The following MYOF variants were observed in gnomAD, a reference collection of about 807,000 sequenced individuals.
MYOF encodes myoferlin.
Under a neutral mutation model 284.2 loss-of-function variants are expected in MYOF, and 244 were observed. The ratio of observed to expected loss-of-function variants is 0.86; its 90% CI spans 0.77 to 0.95. The LOEUF (loss-of-function observed/expected upper bound fraction) is 0.95. Ranked by LOEUF, MYOF falls within the 40% of genes least tolerant of loss-of-function variation. The probability of loss-of-function intolerance (pLI) is 0.00; values close to 1 mark genes in which losing one functional copy is unlikely to be tolerated. For synonymous variants in MYOF, 904 were observed against 919.7 expected, an observed-to-expected ratio of 0.98 and a Z score of 0.31; for missense variants, 2,496 against 2,560.6, an observed-to-expected ratio of 0.97 and a Z score of 0.54.
At chr10:93,415,500 G>A (rs1848079807) in intron 5 of MYOF, among the ~76,000 whole-genome samples, 1 of 152,180 alleles carries the variant, frequency 6.6e-6, no homozygotes, top group Non-Finnish European at 1.5e-5. Flanking sequence ...TTACCTTTCT[G>A]AACGGCCACC....
chr10:93,402,834 AT>A (rs774938836), intron 10 of MYOF, 25 bp downstream of exon 10: 36 of 1,595,980 alleles, frequency 2.3e-5, no homozygotes, highest in Non-Finnish European at 3.0e-5. Flanking sequence ...TTAAGACTTC[AT>A]ATTGATGGGG....
In MYOF at chr10:93,349,839, T is replaced by C; in HGVS notation, c.4052A>G (p.Asn1351Ser). The C allele has an allele frequency of 6.2e-7, 1 of 1,614,018 alleles. No individual in the cohort carries two copies. Among genetic ancestry groups the C allele is most frequent in the Non-Finnish European group, 8.5e-7 (1 of 1,179,996 alleles). The change falls in exon 36 of 54, where the codon AAC becomes AGC. Residue 1351 changes from asparagine to serine, a missense_variant. Asn to Ser is a conservative substitution (Grantham distance 46). Transcript: ENST00000359263. ...VVIKNLKKTP[N>S]FPSSVLFMKV... ...CATGAAGAGAACAGAACTTGGAAAG[T>C]TGGGTGTCTTCTTAAGGTTTTTGAT...
chr10:93,394,539 C>A (rs1459688701), intron 16 of MYOF, among the ~76,000 whole-genome samples: 1 of 133,402 alleles, frequency 7.5e-6, no homozygotes, highest in South Asian at 2.6e-4. Context: ...CGGCTCACTG[C>A]AAGCTCCGCC....
intron 43 of MYOF, among the ~76,000 whole-genome samples, chr10:93,331,852 C>T (rs983578389): frequency 6.6e-6 from 1 of 152,126 alleles, no homozygotes; most frequent in African/African-American, 2.4e-5. Flanking sequence ...AAATATATGC[C>T]ACGCAGCAAA....
intron 50 of MYOF, 82 bp downstream of exon 50, chr10:93,316,632 A>C: frequency 7.8e-7 from 1 of 1,282,854 alleles, no homozygotes. Context: ...TGAAGATTTA[A>C]AGAATTGCTT....
chr10:93,348,006 G>A (rs1258964133), intron 36 of MYOF, among the ~76,000 whole-genome samples: 2 of 152,150 alleles, frequency 1.3e-5, no homozygotes, highest in East Asian at 1.9e-4. Flanking sequence ...GAACTACCTG[G>A]CTAACCCTTC....
chr10:93,426,175 C>T lies in MYOF; in HGVS notation c.346-17G>A, dbSNP rs1564708778. Reference sequence around the variant, plus strand: ...AATGGTGGCCTGGGTAGAAATAATTCGTTGCAAATATTATCAGTGCAGGGC... The same window carrying T: ...AATGGTGGCCTGGGTAGAAATAATTTGTTGCAAATATTATCAGTGCAGGGC... On this transcript the variant is annotated splice_polypyrimidine_tract_variant and intron_variant, in intron 4 of 53. Coordinates refer to ENST00000359263, the MANE Select transcript of MYOF (RefSeq NM_013451.4). 5.2e-6 allele frequency: 8 copies of T among 1,552,048 alleles called. No homozygotes were observed. The highest frequency in any genetic ancestry group is 2.4e-5 in the East Asian group (1 of 41,090).
intron 19 of MYOF, among the ~76,000 whole-genome samples, chr10:93,386,675 A>G (rs1846380899): frequency 6.6e-6 from 1 of 151,984 alleles, no homozygotes. Flanking sequence ...GGAATCCAGA[A>G]CAGACTGCTT....
At chr10:93,381,185 A>C in intron 20 of MYOF, 34 bp downstream of exon 20, 1 of 1,610,636 alleles carries the variant, frequency 6.2e-7, no homozygotes, top group Non-Finnish European at 8.5e-7. Context: ...ACCCATTGTA[A>C]ACGTGTGGAG....
intron 21 of MYOF, among the ~76,000 whole-genome samples, chr10:93,378,669 A>ATGTG (rs1276348555): frequency 1.9e-4 from 20 of 107,074 alleles, no homozygotes; most frequent in African/African-American, 8.7e-4. Flanking sequence ...ATATGTGTAT[A>ATGTG]TGTGTGTGTG....
intron 48 of MYOF, among the ~76,000 whole-genome samples, chr10:93,321,412 C>CTTTTTTTTTTTTTTTTTT (rs35765868): frequency 8.3e-6 from 1 of 121,188 alleles, no homozygotes; most frequent in African/African-American, 2.9e-5. Flanking sequence ...GACTATTAAC[C>CTTTTTTTTTTTTTTTTTT]TTTTTTTTTT....
Position 93,398,190 on chromosome 10 carries a change from G to A in MYOF, c.1222-734C>T, listed in dbSNP as rs113596306. The stretch of plus-strand genomic sequence containing the variant: ...TGGCTCTACCGCAGCCACATGGGCA[G>A]GCCTTCCCTGCTAACATTTTCTTCC... On this transcript the variant is annotated intron_variant, in intron 13 of 53. Transcript: ENST00000359263. Among the ~76,000 whole-genome samples, 63 of 152,192 alleles carry A rather than the reference G, an allele frequency of 4.1e-4. 4 individuals carry two copies. Among genetic ancestry groups the A allele is most frequent in the African/African-American group, 1.5e-3 (62 of 41,538 alleles).
chr10:93,458,756 G>C (rs2134335640), intron 1 of MYOF, among the ~76,000 whole-genome samples: 1 of 152,316 alleles, frequency 6.6e-6, no homozygotes, highest in Admixed American at 6.5e-5. Flanking sequence ...AAGTCACCCA[G>C]TTAATAAATG....
chr10:93,418,705 A>G (rs1173704469), intron 5 of MYOF, among the ~76,000 whole-genome samples: 3 of 152,108 alleles, frequency 2.0e-5, no homozygotes, highest in Non-Finnish European at 4.4e-5. Flanking sequence ...CTCCATACAG[A>G]CTCGGGGCTC....
chr10:93,309,990 C>A (rs1842309017), intron 53 of MYOF, 30 bp downstream of exon 53: 1 of 1,613,284 alleles, frequency 6.2e-7, no homozygotes, highest in African/African-American at 1.3e-5. Flanking sequence ...ACAAGAAAGC[C>A]AAGACAAGGG....
chr10:93,419,848 A>C lies in MYOF; in HGVS notation c.433+6223T>G, dbSNP rs188736883. Among the ~76,000 whole-genome samples the C allele has an allele frequency of 3.1e-3, 475 of 152,274 alleles. 3 individuals carry two copies. The highest frequency in any genetic ancestry group is 0.011 in the African/African-American group (465 of 41,558). On this transcript the variant is annotated intron_variant, in intron 5 of 53. Transcript: ENST00000359263. Reference sequence around the variant, plus strand: ...TCTGAACTGGATCAAATTTAATTTTAAGGCTGGGCATGGTGGCTCATGCCT... The same window carrying C: ...TCTGAACTGGATCAAATTTAATTTTCAGGCTGGGCATGGTGGCTCATGCCT...
chr10:93,311,931 A>T (rs1255805808), intron 51 of MYOF, among the ~76,000 whole-genome samples: 2 of 152,196 alleles, frequency 1.3e-5, no homozygotes, highest in Non-Finnish European at 2.9e-5. Flanking sequence ...GTTTCCTGGG[A>T]CCAGGGAGGG....
Position 93,306,895 on chromosome 10 carries a change from G to GTCT in MYOF, c.*67_*68insAGA. The GTCT allele has an allele frequency of 6.7e-7, 1 of 1,499,220 alleles. No homozygotes were observed. The highest frequency in any genetic ancestry group is 9.3e-7 in the Non-Finnish European group (1 of 1,078,056). 92.9% of individuals were successfully genotyped at this position (1,499,220 alleles called of 1,614,324 possible). ...TGGTCTCAGACACAAAATCACACTG[G>GTCT]ATGTTGGTCTACAGAGGCAGGATTC... On this transcript the variant is annotated 3_prime_UTR_variant, in exon 54 of 54. Coordinates refer to ENST00000359263, the MANE Select transcript of MYOF (RefSeq NM_013451.4).
intron 53 of MYOF, among the ~76,000 whole-genome samples, chr10:93,307,427 A>G (rs1842162273): frequency 1.3e-5 from 2 of 151,604 alleles, no homozygotes; most frequent in Admixed American, 6.6e-5. Context: ...CAGCCTCCAG[A>G]GCAGCTGGGA....
Sources: gnomAD v4.1 joint callset for allele counts (sites outside exome capture counted in the v4.1 genomes callset) on GRCh38, gnomAD v4.1.1 for gene constraint, MANE v1.5 for transcripts, NCBI Gene and HGNC (gene_info 2026-07-23, HGNC 2026-07-21) for gene names.